Variants in B4GALNT3 observed in about 807,000 individuals in gnomAD.
B4GALNT3 encodes beta-1,4-N-acetyl-galactosaminyltransferase 3.
Under a neutral mutation model 120.2 loss-of-function variants are expected in B4GALNT3, and 86 were observed. The observed-to-expected ratio is 0.72, with a 90% CI of 0.60 to 0.86. The LOEUF is 0.86. Ranked by LOEUF, B4GALNT3 falls within the 40% of genes least tolerant of loss-of-function variation. The pLI is 0.00. For synonymous variants in B4GALNT3, 518 were observed against 510.4 expected (o/e 1.01, Z -0.20); for missense variants, 1,167 against 1,298.9 (o/e 0.90, Z 1.56).
rs182802695 is a variant in B4GALNT3, at chr12:558,773, C to A, written c.2761+112C>A. The A allele has an allele frequency of 6.3e-5, 75 of 1,190,612 alleles. 1 individual carries two copies. In the East Asian group the frequency reaches 1.8e-3, roughly 28 times the overall value. The allele number at this position is 1,190,612 out of a possible 1,614,324, so 73.8% of individuals were successfully genotyped here. A position where few individuals can be genotyped will look rare whatever the true frequency, so the allele number is the denominator to read the frequency against. On this transcript the variant is annotated intron_variant, in intron 18 of 19. Transcript: ENST00000266383. The stretch of plus-strand genomic sequence containing the variant: ...GCGTCAGCATCCTCCTCCCCTGCCC[C>A]ACCCTGCCCTCCTGTGGCCTTCACT...
chr12:561,739 A>ACCACC lies in B4GALNT3; in HGVS notation c.*288_*289insCCACC. 2.8e-6 allele frequency: 1 copy of ACCACC among 361,584 alleles called. No individual in the cohort carries two copies. The highest frequency in any genetic ancestry group is 4.4e-5 in the Admixed American group (1 of 22,712). The allele number at this position is 361,584 out of a possible 1,614,324, so 22.4% of individuals were successfully genotyped here. ...TCCTGAGAAGGACGGGTCAGGAAGG[A>ACCACC]GAGATCTGACTGAGCGACACCATCC... On this transcript the variant is annotated 3_prime_UTR_variant, in exon 20 of 20. Coordinates refer to ENST00000266383, the MANE Select transcript of B4GALNT3 (RefSeq NM_173593.4).
chr12:549,633 T>C lies in B4GALNT3; in HGVS notation c.854-136T>C, dbSNP rs1046069198. 9.9e-6 allele frequency: 11 copies of C among 1,111,254 alleles called. No homozygotes were observed. In the African/African-American group the frequency reaches 1.4e-4, roughly 14 times the overall value. 68.8% of individuals were successfully genotyped at this position (1,111,254 alleles called of 1,614,324 possible). On this transcript the variant is annotated intron_variant, in intron 9 of 19. Coordinates refer to ENST00000266383, the MANE Select transcript of B4GALNT3 (RefSeq NM_173593.4). ...CCGCTGTGGCGGGGGCCAGAGGGAG[T>C]GTGGCTGCGCACATCCTACACCGTC...
intron 1 of B4GALNT3, among the ~76,000 whole-genome samples, chr12:515,463 C>G (rs1308383815): frequency 6.6e-6 from 1 of 152,116 alleles, no homozygotes; most frequent in Non-Finnish European, 1.5e-5. Flanking sequence ...TCCCAAAGTG[C>G]TGGGATTTTA....
intron 1 of B4GALNT3, among the ~76,000 whole-genome samples, chr12:475,939 CG>C (rs1294299220): frequency 6.6e-6 from 1 of 152,148 alleles, no homozygotes; most frequent in African/African-American, 2.4e-5. Context: ...TCGCTGTGCC[CG>C]TGTTTCCTCC....
At chr12:495,845 C>A (rs1946382878) in intron 1 of B4GALNT3, among the ~76,000 whole-genome samples, 1 of 152,164 alleles carries the variant, frequency 6.6e-6, no homozygotes, top group Non-Finnish European at 1.5e-5. Flanking sequence ...GTGAGGAGTG[C>A]AGCAGGTGCT....
At chr12:484,212 A>G (rs976534521) in intron 1 of B4GALNT3, among the ~76,000 whole-genome samples, 1 of 152,130 alleles carries the variant, frequency 6.6e-6, no homozygotes, top group Non-Finnish European at 1.5e-5. Flanking sequence ...AGCATCCTCC[A>G]GTTACACATC....
At chr12:482,566 A>G (rs1946251882) in intron 1 of B4GALNT3, among the ~76,000 whole-genome samples, 2 of 152,210 alleles carry the variant, frequency 1.3e-5, no homozygotes, top group African/African-American at 4.8e-5. Context: ...ACAATGATGA[A>G]AAAAGTTGTG....
chr12:465,670 C>A (rs1393466139), intron 1 of B4GALNT3, among the ~76,000 whole-genome samples: 3 of 152,224 alleles, frequency 2.0e-5, no homozygotes, highest in Non-Finnish European at 2.9e-5. Flanking sequence ...ACCTCAGCAA[C>A]ACATCTGCCA....
chr12:468,151 T>C (rs61381107), intron 1 of B4GALNT3, among the ~76,000 whole-genome samples: 7,245 of 152,160 alleles, frequency 0.048, 544 homozygotes, highest in African/African-American at 0.16. Context: ...AGGCATAAAA[T>C]AAATCAACAA....
chr12:535,544 G>A (rs181371419), intron 2 of B4GALNT3, among the ~76,000 whole-genome samples: 371 of 152,244 alleles, frequency 2.4e-3, no homozygotes, highest in Non-Finnish European at 2.9e-3. Flanking sequence ...CAGTTTGCCC[G>A]TGCCGGAACC....
chr12:516,829 A>T (rs1946661424), intron 1 of B4GALNT3, among the ~76,000 whole-genome samples: 1 of 152,142 alleles, frequency 6.6e-6, no homozygotes, highest in African/African-American at 2.4e-5. Flanking sequence ...AAGAGCGATG[A>T]TGTCTAGGAC....
chr12:532,734 G>A (rs1946819878), intron 1 of B4GALNT3, among the ~76,000 whole-genome samples: 1 of 152,126 alleles, frequency 6.6e-6, no homozygotes. Context: ...CCAAGGATGA[G>A]GTCTTGTAAA....
chr12:515,477 G>A (rs1356374433), intron 1 of B4GALNT3, among the ~76,000 whole-genome samples: 7 of 152,122 alleles, frequency 4.6e-5, no homozygotes, highest in Admixed American at 2.0e-4. Flanking sequence ...GATTTTAGGC[G>A]TGAGCCACCG....
intron 1 of B4GALNT3, among the ~76,000 whole-genome samples, chr12:511,462 C>CCTCCCACCTT (rs1946557941): frequency 1.0e-5 from 1 of 97,146 alleles, no homozygotes; most frequent in South Asian, 4.6e-4. Flanking sequence ...CCTTCTTCCA[C>CCTCCCACCTT]CTTCCACCTT....
chr12:558,366 T>A, intron 17 of B4GALNT3, 142 bp from the exon 18 acceptor site: 1 of 829,846 alleles, frequency 1.2e-6, no homozygotes, highest in Non-Finnish European at 2.0e-6. Flanking sequence ...TTCAGCACTG[T>A]GGAACTCTGC....
intron 1 of B4GALNT3, among the ~76,000 whole-genome samples, chr12:477,660 G>A (rs1438412380): frequency 1.3e-5 from 2 of 152,180 alleles, no homozygotes; most frequent in Non-Finnish European, 2.9e-5. Flanking sequence ...GAGAAGGGAT[G>A]GGAAATAATG....
intron 1 of B4GALNT3, among the ~76,000 whole-genome samples, chr12:466,895 A>C (rs563087249): frequency 6.6e-6 from 1 of 152,284 alleles, no homozygotes; most frequent in African/African-American, 2.4e-5. Flanking sequence ...ATGTACGGAA[A>C]GCTTGATGAG....
Position 512,442 on chromosome 12 carries a change from TCCTTCCA to T in B4GALNT3, c.170-22703_170-22697del, listed in dbSNP as rs562929260. On this transcript the variant is annotated intron_variant, in intron 1 of 19. Transcript: ENST00000266383. ...GCCTTCCGCCTTCCGCCTTCCATCT[TCCTTCCA>T]CCTTCCACCTTCCACCTTCCGCCCA... 7.5e-3 allele frequency among the ~76,000 whole-genome samples: 927 copies of T among 123,556 alleles called. 11 individuals are homozygous for T. Among genetic ancestry groups the T allele is most frequent in the African/African-American group, 0.015 (464 of 30,150 alleles). The allele number at this position is 123,556 out of a possible 152,430, so 81.1% of individuals were successfully genotyped here.
chr12:524,609 G>A (rs1190071498), intron 1 of B4GALNT3, among the ~76,000 whole-genome samples: 1 of 149,972 alleles, frequency 6.7e-6, no homozygotes, highest in African/African-American at 2.5e-5. Flanking sequence ...CAAACAAAAG[G>A]GTCTGTGTGA....
Sources: gnomAD v4.1 joint callset for allele counts (sites outside exome capture counted in the v4.1 genomes callset) on GRCh38, gnomAD v4.1.1 for gene constraint, MANE v1.5 for transcripts, NCBI Gene and HGNC (gene_info 2026-07-23, HGNC 2026-07-21) for gene names.